Variants in LIAS observed in about 807,000 individuals in gnomAD.
The protein encoded by LIAS is lipoic acid synthetase, also known as lipoyl synthase, mitochondrial.
Under a neutral mutation model 49.4 loss-of-function variants are expected in LIAS, and 36 were observed. The observed-to-expected ratio is 0.73, with a 90% CI of 0.56 to 0.96. The LOEUF (loss-of-function observed/expected upper bound fraction) is 0.96. Ranked by LOEUF, LIAS falls within the 40% of genes least tolerant of loss-of-function variation. The pLI is 0.00. For missense variants in LIAS, 399 were observed against 456.3 expected (o/e 0.87, Z 1.14); for synonymous variants, 145 against 155.8 (o/e 0.93, Z 0.52).
chr4:39,477,137 A>T lies in LIAS; in HGVS notation c.*22A>T. 6.3e-7 allele frequency: 1 copy of T among 1,578,890 alleles called. No homozygotes were observed. Among genetic ancestry groups the T allele is most frequent in the Non-Finnish European group, 8.6e-7 (1 of 1,159,992 alleles). The stretch of plus-strand genomic sequence containing the variant: ...CTAAAACTTCAACAAGACCTTCAAG[A>T]TCACAGAAATTTTTAAAATTTGATT... On this transcript the variant is annotated 3_prime_UTR_variant, in exon 11 of 11. Coordinates refer to ENST00000640888, the MANE Select transcript of LIAS (RefSeq NM_006859.4).
At chr4:39,459,308 A>C in intron 1 of LIAS, 146 bp downstream of exon 1, 27 of 677,436 alleles carry the variant, frequency 4.0e-5, no homozygotes, top group Non-Finnish European at 5.4e-5. Flanking sequence ...GTGTAATCTC[A>C]TGTAATTATC....
At chr4:39,460,652 G>C in intron 1 of LIAS, 138 bp from the exon 2 acceptor site, 1 of 606,650 alleles carries the variant, frequency 1.6e-6, no homozygotes. Flanking sequence ...TAATGCCCTA[G>C]AATACTAGAG....
chr4:39,467,495 A>G (rs761827268), intron 6 of LIAS, 23 bp from the exon 7 acceptor site: 4 of 1,556,914 alleles, frequency 2.6e-6, no homozygotes, highest in Non-Finnish European at 3.5e-6. Context: ...TCTCTGTTTG[A>G]TAATTCTCTC....
At position 39,478,852 on chromosome 4, in the gene LIAS, A is replaced by C. The variant is rs1482151334; in HGVS notation, c.*1737A>C. On this transcript the variant is annotated 3_prime_UTR_variant, in exon 11 of 11. Coordinates refer to ENST00000640888, the MANE Select transcript of LIAS (RefSeq NM_006859.4). ...CACTTTTAGGTGGCCATGTTGTAAA[A>C]TATGTAAAGTGGATAGCCAATTCTG... is the stretch of plus-strand genomic sequence containing the variant. 1.3e-5 allele frequency: 2 copies of C among 152,204 alleles called. No individual in the cohort carries two copies. Among genetic ancestry groups the C allele is most frequent in the African/African-American group, 4.8e-5 (2 of 41,446 alleles). The allele number at this position is 152,204 out of a possible 1,614,324, so 9.4% of individuals were successfully genotyped here.
At chr4:39,475,002 A>C (rs1481351825) in intron 10 of LIAS, 1 of 152,148 alleles carries the variant, frequency 6.6e-6, no homozygotes, top group African/African-American at 2.4e-5. Context: ...AGGTCAAGAG[A>C]TTGAGATCAT....
chr4:39,474,604 A>T (rs1041472806), intron 10 of LIAS, among the ~76,000 whole-genome samples: 35 of 148,070 alleles, frequency 2.4e-4, no homozygotes, highest in East Asian at 1.0e-3. Flanking sequence ...TATTATTATT[A>T]TTTTTTTTTT....
intron 2 of LIAS, among the ~76,000 whole-genome samples, chr4:39,461,740 G>T (rs1744506305): frequency 1.3e-5 from 2 of 152,336 alleles, no homozygotes; most frequent in South Asian, 2.1e-4. Context: ...TGTCACCCAG[G>T]TTGGAGTGCA....
intron 9 of LIAS, among the ~76,000 whole-genome samples, chr4:39,472,703 A>G (rs1745038636): frequency 6.6e-6 from 1 of 152,368 alleles, no homozygotes; most frequent in South Asian, 2.1e-4. Context: ...TGTGCCAGTC[A>G]CAGTGCTAAG....
chr4:39,464,964 T>C (rs535305296), intron 4 of LIAS, 82 bp from the exon 5 acceptor site: 8 of 1,162,762 alleles, frequency 6.9e-6, no homozygotes, highest in Non-Finnish European at 9.9e-6. Flanking sequence ...ATGCATTCTT[T>C]GCAACTTGCT....
chr4:39,467,669 G>T (rs759238367), intron 7 of LIAS, 23 bp downstream of exon 7: 2 of 1,496,980 alleles, frequency 1.3e-6, no homozygotes, highest in Non-Finnish European at 1.8e-6. Flanking sequence ...ACAAAGTAAT[G>T]TTGGGAAGTT....
At chr4:39,460,646 G>T (rs1397144487) in intron 1 of LIAS, 144 bp from the exon 2 acceptor site, 2 of 556,366 alleles carry the variant, frequency 3.6e-6, no homozygotes, top group Admixed American at 3.0e-5. Context: ...ATATTCTAAT[G>T]CCCTAGAATA....
Position 39,467,547 on chromosome 4 carries a change from C to T in LIAS, c.638C>T (p.Thr213Ile), listed in dbSNP as rs1268712461. Residue 213 changes from threonine (T) to isoleucine (I), a missense_variant, in exon 7 of 11, where the codon ACT becomes ATT. Thr to Ile is a moderately conservative substitution (Grantham distance 89). Around this residue, in one of 3 missense-constraint regions of LIAS, gnomAD observed 234 missense variants for 292.2 expected, o/e 0.80. Coordinates refer to ENST00000640888, the MANE Select transcript of LIAS (RefSeq NM_006859.4). ...RNPKILVECL[T>I]PDFRGDLKAI... Reference sequence around the variant, plus strand: ...CCAAAAATCCTTGTGGAGTGTCTTACTCCTGATTTTCGAGGTGATCTCAAA... The same window carrying T: ...CCAAAAATCCTTGTGGAGTGTCTTATTCCTGATTTTCGAGGTGATCTCAAA... 4 of 1,607,260 alleles carry T rather than the reference C, an allele frequency of 2.5e-6. No individual in the cohort carries two copies. Among genetic ancestry groups the T allele is most frequent in the Admixed American group, 1.7e-5 (1 of 58,702 alleles).
chr4:39,464,531 C>T (rs1744682283), intron 4 of LIAS, among the ~76,000 whole-genome samples: 1 of 152,100 alleles, frequency 6.6e-6, no homozygotes, highest in African/African-American at 2.4e-5. Context: ...GGGTCTCACT[C>T]TGTCACCCAG....
chr4:39,478,154 A>AAACTC lies in LIAS; in HGVS notation c.*1041_*1045dup, dbSNP rs1745268827. On this transcript the variant is annotated 3_prime_UTR_variant, in exon 11 of 11. Transcript: ENST00000640888. ...TTTAGCATTCATTCAACGTAGATTG[A>AAACTC]AACTCATCAGATTAGCATTTGTCCT... 1 of 152,266 alleles carries AAACTC rather than the reference A, an allele frequency of 6.6e-6. No homozygotes were observed. Among genetic ancestry groups the AAACTC allele is most frequent in the East Asian group, 1.9e-4 (1 of 5,206 alleles). The allele number at this position is 152,266 out of a possible 1,614,324, so 9.4% of individuals were successfully genotyped here. A position where few individuals can be genotyped will look rare whatever the true frequency, so the allele number is the denominator to read the frequency against.
chr4:39,463,181 G>T (rs1175477933), intron 3 of LIAS, among the ~76,000 whole-genome samples: 5 of 151,324 alleles, frequency 3.3e-5, no homozygotes, highest in African/African-American at 1.2e-4. Flanking sequence ...GACCTCCCAG[G>T]CTCAAGTGAT....
chr4:39,472,475 T>C (rs1174192882), intron 9 of LIAS, among the ~76,000 whole-genome samples: 1 of 152,232 alleles, frequency 6.6e-6, no homozygotes, highest in African/African-American at 2.4e-5. Context: ...ACATATTTGC[T>C]GCCTCCCCCA....
chr4:39,460,820 A>C lies in LIAS; in HGVS notation c.76A>C (p.Arg26=). Residue 26 remains arginine, a synonymous_variant, in exon 2 of 11, where the codon AGA becomes CGA. Coordinates refer to ENST00000640888, the MANE Select transcript of LIAS (RefSeq NM_006859.4). The stretch of plus-strand genomic sequence containing the variant: ...TGGGAGATATTTTTGCAGCCCAGTC[A>C]GACCGTTAAGCTCCTTGCCAGATAA... ...VFGRYFCSPV[R]PLSSLPDKKK... 6.3e-7 allele frequency: 1 copy of C among 1,592,432 alleles called. No individual in the cohort carries two copies.
chr4:39,468,652 G>A (rs1311022547), intron 7 of LIAS, among the ~76,000 whole-genome samples: 16 of 148,526 alleles, frequency 1.1e-4, no homozygotes, highest in Non-Finnish European at 3.0e-5. Flanking sequence ...GCCGAGGCGG[G>A]CGGATTACCT....
chr4:39,471,775 G>A (rs1307358897), intron 9 of LIAS, among the ~76,000 whole-genome samples: 1 of 151,820 alleles, frequency 6.6e-6, no homozygotes, highest in Non-Finnish European at 1.5e-5. Context: ...CAATCCACCC[G>A]CTTCGGCCTC....
Sources: allele counts gnomAD v4.1 joint callset (sites outside exome capture counted in the v4.1 genomes callset), GRCh38; gene constraint gnomAD v4.1.1; regional missense constraint gnomAD v4.1.1; transcripts MANE v1.5; gene names NCBI Gene and HGNC (gene_info 2026-07-23, HGNC 2026-07-21).